The following SLC5A5 variants were observed in gnomAD, a reference collection of about 807,000 sequenced individuals.
The protein encoded by SLC5A5 is solute carrier family 5 member 5, also known as sodium/iodide cotransporter.
Under a neutral mutation model 68.6 loss-of-function variants are expected in SLC5A5, and 56 were observed. That is an observed-to-expected ratio of 0.82 (90% confidence interval 0.66 to 1.02). The LOEUF is 1.02. Among genes scored for constraint, SLC5A5 ranks in the 50% least tolerant of loss-of-function variants. The pLI is 0.00. For missense variants in SLC5A5, 807 were observed against 859.8 expected, an observed-to-expected ratio of 0.94 and a Z score of 0.77; for synonymous variants, 398 against 373.0, an observed-to-expected ratio of 1.07 and a Z score of -0.77.
At chr19:17,890,791 C>G (rs1232553053) in intron 13 of SLC5A5, 95 bp from the exon 14 acceptor site, 10 of 870,732 alleles carry the variant, frequency 1.1e-5, no homozygotes, top group Non-Finnish European at 2.0e-6. Flanking sequence ...CTTCATAGAC[C>G]AGGGATCTCC....
At position 17,872,218 on chromosome 19, in the gene SLC5A5, T is replaced by TTCCCCCCCCCCCCCCCCCCCCCCCCCC; in HGVS notation, c.-102_-101insTCCCCCCCCCCCCCCCCCCCCCCCCCC. The TTCCCCCCCCCCCCCCCCCCCCCCCCCC allele has an allele frequency of 6.6e-6, 3 of 456,252 alleles. No individual in the cohort carries two copies. The highest frequency in any genetic ancestry group is 2.0e-5 in the African/African-American group (1 of 49,216). The allele number at this position is 456,252 out of a possible 1,614,324, so 28.3% of individuals were successfully genotyped here. On this transcript the variant is annotated 5_prime_UTR_variant, in exon 1 of 15. Coordinates refer to ENST00000222248, the MANE Select transcript of SLC5A5 (RefSeq NM_000453.3). The stretch of plus-strand genomic sequence containing the variant: ...AGCGGGGACAGGCTGCCGAGCATCC[T>TTCCCCCCCCCCCCCCCCCCCCCCCCCC]CCCACCCGCCCTCCCCGTCCTGCCT...
intron 2 of SLC5A5, 109 bp downstream of exon 2, chr19:17,874,312 C>A: frequency 1.2e-6 from 1 of 817,902 alleles, no homozygotes. Flanking sequence ...CCCATGCTCC[C>A]GTTCTGACCC....
At chr19:17,880,574 G>A (rs1304440078) in intron 7 of SLC5A5, among the ~76,000 whole-genome samples, 1 of 152,180 alleles carries the variant, frequency 6.6e-6, no homozygotes, top group Admixed American at 6.6e-5. Flanking sequence ...GCGCACACCT[G>A]TGGTCTCAGC....
chr19:17,879,534 G>T (rs184154166), intron 7 of SLC5A5, among the ~76,000 whole-genome samples: 86 of 152,198 alleles, frequency 5.7e-4, no homozygotes, highest in African/African-American at 1.8e-3. Context: ...ATTGAGGCTC[G>T]GGGGGAAGTC....
In SLC5A5 at chr19:17,883,928, G is replaced by A. The variant is rs1338711801; in HGVS notation, c.1408G>A (p.Glu470Lys). The A allele has an allele frequency of 5.1e-6, 8 of 1,564,078 alleles. No homozygotes were observed. The African/African-American group carries it at 1.1e-4, about 21-fold the overall frequency. Residue 470 changes from glutamate (E) to lysine (K), a missense_variant, in exon 12 of 15, where the codon GAG becomes AAG. Coordinates refer to ENST00000222248, the MANE Select transcript of SLC5A5 (RefSeq NM_000453.3). ...ALGATLYPPS[E>K]QTMRVLPSSA... is the part of the protein sequence containing the mutation. ...GGGCGCCACGCTGTACCCACCCAGC[G>A]AGCAGACCATGAGGGTCCTGCCATC...
chr19:17,881,275 GT>G (rs933379539), intron 8 of SLC5A5, among the ~76,000 whole-genome samples: 3 of 145,782 alleles, frequency 2.1e-5, no homozygotes, highest in African/African-American at 7.7e-5. Context: ...GTTTTTTTTT[GT>G]TTTTTTTCCG....
chr19:17,878,684 C>T (rs1291542424), intron 7 of SLC5A5, among the ~76,000 whole-genome samples: 2 of 151,454 alleles, frequency 1.3e-5, no homozygotes, highest in East Asian at 3.9e-4. Flanking sequence ...GGAGATGAAA[C>T]CATGACCCAG....
chr19:17,882,934 C>G (rs1041281137), intron 10 of SLC5A5, among the ~76,000 whole-genome samples: 7 of 152,162 alleles, frequency 4.6e-5, no homozygotes, highest in Admixed American at 4.6e-4. Context: ...CCGCCCTCCT[C>G]GGCCTCCCAA....
At position 17,883,753 on chromosome 19, in the gene SLC5A5, G is replaced by C. The variant is rs763364528; in HGVS notation, c.1315G>C (p.Ala439Pro). Residue 439 changes from alanine to proline, a missense_variant, in exon 11 of 15, where the codon GCC becomes CCC. Physicochemically the swap from Ala to Pro is conservative, Grantham distance 27. Transcript: ENST00000222248. Reference sequence around the variant, plus strand: ...CTTCATCTTGGGAATGTTCCTGCCGGCCTGCAACACACCGGTGAGTGGGGG... The same window carrying C: ...CTTCATCTTGGGAATGTTCCTGCCGCCCTGCAACACACCGGTGAGTGGGGG... ...GAFILGMFLPACNTPGVLAGL... is the reference protein window; with the variant it reads ...GAFILGMFLPPCNTPGVLAGL... The C allele has an allele frequency of 6.7e-7, 1 of 1,485,038 alleles. No individual in the cohort carries two copies. The highest frequency in any genetic ancestry group is 1.4e-5 in the African/African-American group (1 of 69,936). The allele number at this position is 1,485,038 out of a possible 1,614,324, so 92.0% of individuals were successfully genotyped here. A position where few individuals can be genotyped will look rare whatever the true frequency, so the allele number is the denominator to read the frequency against.
At chr19:17,888,555 C>T (rs1342437621) in intron 13 of SLC5A5, 100 bp downstream of exon 13, 2 of 1,077,466 alleles carry the variant, frequency 1.9e-6, no homozygotes, top group Non-Finnish European at 1.4e-6. Context: ...TCCCATTGGC[C>T]AAACTGCCAC....
chr19:17,892,189 T>C (rs1568427161), intron 14 of SLC5A5, among the ~76,000 whole-genome samples: 2 of 150,604 alleles, frequency 1.3e-5, no homozygotes, highest in East Asian at 3.9e-4. Flanking sequence ...AGCTACTCAG[T>C]GGAATGAGGC....
chr19:17,882,113 C>G, intron 9 of SLC5A5, 36 bp from the exon 10 acceptor site: 1 of 1,612,164 alleles, frequency 6.2e-7, no homozygotes. Flanking sequence ...CAGGGCAGTC[C>G]CTCCCCGTTG....
rs2030290641 is a variant in SLC5A5, at chr19:17,893,740, A to G, written c.1795A>G (p.Lys599Glu). The G allele has an allele frequency of 6.2e-7, 1 of 1,614,032 alleles. No homozygotes were observed. Among genetic ancestry groups the G allele is most frequent in the South Asian group, 1.1e-5 (1 of 91,054 alleles). The part of the protein sequence containing the change: ...KGPEELPTGN[K>E]KPPGFLPTNE... ...TCCTGAAGAACTCCCCACTGGAAAC[A>G]AGAAGCCCCCTGGCTTCCTGCCCAC... The change falls in exon 15 of 15, where the codon AAG becomes GAG. Residue 599 changes from lysine (K) to glutamate (E), a missense_variant. Transcript: ENST00000222248.
chr19:17,871,964 C>G lies in SLC5A5; in HGVS notation c.-356C>G. ...CGAGCTGCTCCCGTAAGCCCCAAGG[C>G]GACCTCCAGCTGTCAGCGCTGAGCA... is the stretch of plus-strand genomic sequence containing the variant. On this transcript the variant is annotated 5_prime_UTR_variant, in exon 1 of 15. Transcript: ENST00000222248. 3.2e-6 allele frequency: 1 copy of G among 308,062 alleles called. No individual in the cohort carries two copies. Among genetic ancestry groups the G allele is most frequent in the South Asian group, 3.8e-5 (1 of 26,120 alleles). The allele number at this position is 308,062 out of a possible 1,614,324, so 19.1% of individuals were successfully genotyped here.
intron 12 of SLC5A5, among the ~76,000 whole-genome samples, chr19:17,885,223 C>G (rs946116256): frequency 6.6e-6 from 1 of 151,976 alleles, no homozygotes; most frequent in Non-Finnish European, 1.5e-5. Flanking sequence ...GTTGCCCAGG[C>G]TGGTCTGGAA....
At chr19:17,877,624 A>G in intron 5 of SLC5A5, 99 bp from the exon 6 acceptor site, 1 of 1,486,632 alleles carries the variant, frequency 6.7e-7, no homozygotes, top group Non-Finnish European at 9.2e-7. Context: ...ACCCACTCCA[A>G]ATGTCCCCTA....
At chr19:17,881,219 C>T (rs2094320026) in intron 8 of SLC5A5, among the ~76,000 whole-genome samples, 1 of 152,056 alleles carries the variant, frequency 6.6e-6, no homozygotes, top group South Asian at 2.1e-4. Flanking sequence ...TCCTTCCTTC[C>T]TCCCCAGACA....
chr19:17,885,272 A>G (rs1328562770), intron 12 of SLC5A5, among the ~76,000 whole-genome samples: 1 of 151,990 alleles, frequency 6.6e-6, no homozygotes, highest in Non-Finnish European at 1.5e-5. Context: ...CAGCCTTGCA[A>G]AGTGCCAGGA....
rs771789831 is a variant in SLC5A5 at position 17,880,946 on chromosome 19, A to G, written c.1051A>G (p.Thr351Ala). 1 of 1,612,704 alleles carries G rather than the reference A, an allele frequency of 6.2e-7. No homozygotes were observed. Among genetic ancestry groups the G allele is most frequent in the Non-Finnish European group, 8.5e-7 (1 of 1,178,986 alleles). The change falls in exon 8 of 15, where the codon ACC (threonine) becomes GCC (alanine). Residue 351 changes from threonine (T) to alanine (A), a missense_variant. Coordinates refer to ENST00000222248, the MANE Select transcript of SLC5A5 (RefSeq NM_000453.3). ...GLFLACAYSGTLSTASTSINA... is the reference protein window; with the variant it reads ...GLFLACAYSGALSTASTSINA... ...TTTCCTGGCCTGTGCTTACAGTGGC[A>G]CCCTCAGGTGAGCACCCCTGCTTGT...
Sources: gnomAD v4.1 joint callset for allele counts (sites outside exome capture counted in the v4.1 genomes callset) on GRCh38, gnomAD v4.1.1 for gene constraint, MANE v1.5 for transcripts, NCBI Gene and HGNC (gene_info 2026-07-23, HGNC 2026-07-21) for gene names.